Variants in RBFOX1 observed in about 807,000 individuals in gnomAD.
The protein encoded by RBFOX1 is RNA binding protein fox-1 homolog 1.
Under a neutral mutation model 57.7 loss-of-function variants are expected in RBFOX1, and 8 were observed. The observed-to-expected ratio is 0.14, with a 90% CI of 0.08 to 0.25. The LOEUF is 0.25. RBFOX1 is among the 10% of genes least tolerant of loss of function. The pLI is 1.00. For synonymous variants in RBFOX1, 326 were observed against 222.4 expected, an observed-to-expected ratio of 1.47 and a Z score of -4.15; for missense variants, 611 against 548.5, an observed-to-expected ratio of 1.11 and a Z score of -1.14.
chr16:6,026,398 C>G (rs1039820008), intron 1 of RBFOX1, among the ~76,000 whole-genome samples: 4 of 152,210 alleles, frequency 2.6e-5, no homozygotes, highest in African/African-American at 9.6e-5. Context: ...GGGGTGTAGG[C>G]AGGCGTTAAG....
At chr16:6,226,581 T>C (rs1452802247) in intron 1 of RBFOX1, among the ~76,000 whole-genome samples, 1 of 152,008 alleles carries the variant, frequency 6.6e-6, no homozygotes, top group Non-Finnish European at 1.5e-5. Context: ...TTTGATATAT[T>C]ATGGATAGTG....
chr16:6,837,106 T>G (rs2093157185), intron 3 of RBFOX1, among the ~76,000 whole-genome samples: 1 of 152,236 alleles, frequency 6.6e-6, no homozygotes, highest in South Asian at 2.1e-4. Context: ...AGAGCAGTAC[T>G]GAGAGTTCCC....
At chr16:7,579,125 T>A (rs146243336) in intron 5 of RBFOX1, among the ~76,000 whole-genome samples, 51 of 152,294 alleles carry the variant, frequency 3.3e-4, no homozygotes, top group African/African-American at 1.2e-3. Context: ...ATATCTTGTT[T>A]TAATTCAGTT....
chr16:6,809,712 C>G (rs540693260), intron 3 of RBFOX1, among the ~76,000 whole-genome samples: 1 of 152,262 alleles, frequency 6.6e-6, no homozygotes, highest in East Asian at 1.9e-4. Flanking sequence ...TTTTCATTGT[C>G]TCTGAATTGG....
intron 4 of RBFOX1, among the ~76,000 whole-genome samples, chr16:7,157,503 G>C (rs4786971): frequency 0.48 from 73,351 of 151,894 alleles, 19,289 homozygotes; most frequent in South Asian, 0.66. Flanking sequence ...GATTCGTTGG[G>C]GGCCTGTGGA....
chr16:7,510,865 A>G (rs1350154103), intron 4 of RBFOX1, among the ~76,000 whole-genome samples: 1 of 152,124 alleles, frequency 6.6e-6, no homozygotes, highest in East Asian at 1.9e-4. Flanking sequence ...GTGTGGGCAT[A>G]TGTGATCAGC....
chr16:6,344,154 G>A (rs1006022855), intron 2 of RBFOX1, among the ~76,000 whole-genome samples: 1 of 152,020 alleles, frequency 6.6e-6, no homozygotes, highest in Non-Finnish European at 1.5e-5. Flanking sequence ...CCACCTCCCG[G>A]GTTCAAATGA....
At chr16:6,850,871 G>T (rs567097312) in intron 3 of RBFOX1, among the ~76,000 whole-genome samples, 1 of 152,178 alleles carries the variant, frequency 6.6e-6, no homozygotes, top group South Asian at 2.1e-4. Flanking sequence ...TTGCACACTT[G>T]GGCATTTATC....
At chr16:7,072,921 A>G (rs1410064819) in intron 4 of RBFOX1, among the ~76,000 whole-genome samples, 1 of 152,210 alleles carries the variant, frequency 6.6e-6, no homozygotes, top group African/African-American at 2.4e-5. Flanking sequence ...CGGTTGCTAC[A>G]GAAAGGACAG....
At chr16:6,545,476 C>T (rs144834311) in intron 2 of RBFOX1, among the ~76,000 whole-genome samples, 2 of 152,138 alleles carry the variant, frequency 1.3e-5, no homozygotes, top group Non-Finnish European at 2.9e-5. Context: ...GCCTTGGAGA[C>T]GTGTGCCTCT....
At chr16:7,460,906 G>T (rs968288190) in intron 4 of RBFOX1, among the ~76,000 whole-genome samples, 1 of 152,226 alleles carries the variant, frequency 6.6e-6, no homozygotes, top group South Asian at 2.1e-4. Flanking sequence ...CTAGTGATAT[G>T]AAAATGGCTG....
chr16:6,142,292 G>A (rs1204390666), intron 1 of RBFOX1, among the ~76,000 whole-genome samples: 1 of 146,304 alleles, frequency 6.8e-6, no homozygotes. Flanking sequence ...CGTGATCTTG[G>A]CTCACTGCAA....
chr16:5,838,311 C>T (rs1022196062), intron 3 of RBFOX1: 1 of 215,928 alleles, frequency 4.6e-6, no homozygotes. Flanking sequence ...TCCACATGTA[C>T]ACCTGCACAG....
At chr16:5,404,137 G>C (rs1198597429) in intron 1 of RBFOX1, among the ~76,000 whole-genome samples, 1 of 151,764 alleles carries the variant, frequency 6.6e-6, no homozygotes, top group East Asian at 1.9e-4. Context: ...TAACACTGGA[G>C]ACTTGGAGGG....
At chr16:5,791,283 A>G (rs1274675940) in intron 3 of RBFOX1, among the ~76,000 whole-genome samples, 1 of 152,232 alleles carries the variant, frequency 6.6e-6, no homozygotes, top group Non-Finnish European at 1.5e-5. Context: ...GCACTAAAAA[A>G]TGTAGCTCTA....
intron 4 of RBFOX1, among the ~76,000 whole-genome samples, chr16:7,461,557 C>T (rs1312575553): frequency 1.3e-5 from 2 of 152,146 alleles, no homozygotes; most frequent in Admixed American, 1.3e-4. Flanking sequence ...CAGATACCCT[C>T]CAAGAACTTA....
intron 11 of RBFOX1, among the ~76,000 whole-genome samples, chr16:7,640,590 C>T (rs1181378875): frequency 6.6e-6 from 1 of 152,196 alleles, no homozygotes; most frequent in Non-Finnish European, 1.5e-5. Flanking sequence ...CCAATGCATA[C>T]ACAGCCAGAG....
chr16:6,117,714 T>C (rs1227081043), intron 1 of RBFOX1, among the ~76,000 whole-genome samples: 1 of 152,272 alleles, frequency 6.6e-6, no homozygotes, highest in African/African-American at 2.4e-5. Context: ...ACGTTTCTGT[T>C]CTTTATAAAT....
chr16:7,573,583 C>T (rs2152793885), intron 5 of RBFOX1, among the ~76,000 whole-genome samples: 1 of 152,294 alleles, frequency 6.6e-6, no homozygotes, highest in South Asian at 2.1e-4. Flanking sequence ...CCTGTAATCC[C>T]AGCACTTTGG....
Sources: allele counts gnomAD v4.1 joint callset (sites outside exome capture counted in the v4.1 genomes callset), GRCh38; gene constraint gnomAD v4.1.1; transcripts MANE v1.5; gene names NCBI Gene and HGNC (gene_info 2026-07-23, HGNC 2026-07-21).